DNAH8: variants seen among roughly 807,000 people sequenced by gnomAD.
The protein encoded by DNAH8 is axonemal beta dynein heavy chain 8.
In DNAH8, 382 loss-of-function variants were observed where a neutral mutation model predicts 562.1. The ratio of observed to expected loss-of-function variants is 0.68; its 90% CI spans 0.63 to 0.74. The LOEUF is 0.74. DNAH8 is among the 30% of genes least tolerant of loss of function. DNAH8 has a pLI of 0.00. For missense variants in DNAH8, 5,203 were observed against 5,620.4 expected (o/e 0.93, Z 2.37); for synonymous variants, 1,881 against 1,919.4 (o/e 0.98, Z 0.52).
chr6:38,925,966 T>C, intron 73 of DNAH8, 89 bp from the exon 74 acceptor site: 1 of 1,216,516 alleles, frequency 8.2e-7, no homozygotes. Flanking sequence ...GTCCACATTT[T>C]AAATTATTTT....
intron 26 of DNAH8, among the ~76,000 whole-genome samples, chr6:38,819,454 T>C (rs934525635): frequency 6.6e-6 from 1 of 152,202 alleles, no homozygotes; most frequent in African/African-American, 2.4e-5. Context: ...GTTTTATATA[T>C]GTTTCTGTAA....
chr6:38,729,764 G>A, intron 3 of DNAH8, 138 bp from the exon 4 acceptor site: 1 of 592,100 alleles, frequency 1.7e-6, no homozygotes, highest in Non-Finnish European at 3.0e-6. Flanking sequence ...CAGTAATTTT[G>A]GAGTTAAATT....
chr6:38,759,930 A>G (rs1013562052), intron 10 of DNAH8, among the ~76,000 whole-genome samples: 1 of 152,208 alleles, frequency 6.6e-6, no homozygotes, highest in Non-Finnish European at 1.5e-5. Flanking sequence ...TCCTGCTACA[A>G]GATCCCATTG....
intron 48 of DNAH8, among the ~76,000 whole-genome samples, chr6:38,868,404 C>T (rs1777222717): frequency 1.3e-5 from 2 of 152,162 alleles, no homozygotes; most frequent in Admixed American, 1.3e-4. Flanking sequence ...CTCCTTTTAT[C>T]AGCTGTGTGC....
intron 88 of DNAH8, among the ~76,000 whole-genome samples, chr6:38,998,106 C>T (rs1378182624): frequency 6.6e-6 from 1 of 152,232 alleles, no homozygotes; most frequent in Admixed American, 6.5e-5. Flanking sequence ...AACTCGATGC[C>T]CCCTGTTTAT....
At chr6:38,978,306 G>A (rs1763806083) in intron 85 of DNAH8, among the ~76,000 whole-genome samples, 1 of 152,160 alleles carries the variant, frequency 6.6e-6, no homozygotes, top group Non-Finnish European at 1.5e-5. Flanking sequence ...AGGGCCCAGG[G>A]AATCTCACTA....
intron 82 of DNAH8, 139 bp from the exon 83 acceptor site, chr6:38,971,453 G>T: frequency 2.0e-6 from 1 of 499,362 alleles, no homozygotes; most frequent in Non-Finnish European, 3.3e-6. Context: ...CAAAGGCCAG[G>T]CCTGTTTGAA....
chr6:38,808,038 A>G (rs1771453340), intron 24 of DNAH8, among the ~76,000 whole-genome samples: 1 of 152,120 alleles, frequency 6.6e-6, no homozygotes, highest in Non-Finnish European at 1.5e-5. Flanking sequence ...TGTATCCCCA[A>G]TCCACGTATC....
intron 76 of DNAH8, among the ~76,000 whole-genome samples, chr6:38,934,554 T>C (rs898153767): frequency 3.3e-5 from 5 of 152,190 alleles, no homozygotes; most frequent in Admixed American, 6.5e-5. Context: ...TTAAAACACC[T>C]TCTTTTAACG....
At position 38,874,188 on chromosome 6, in the gene DNAH8, CTCTTTCTTTCTCTCTT is replaced by C. The variant is rs1251286199; in HGVS notation, c.7620+828_7620+843del. 4.7e-5 allele frequency among the ~76,000 whole-genome samples: 4 copies of C among 85,468 alleles called. 1 individual carries two copies. The highest frequency in any genetic ancestry group is 1.7e-4 in the African/African-American group (4 of 23,570). The allele number at this position is 85,468 out of a possible 152,430, so 56.1% of individuals were successfully genotyped here. ...CTTCTCTCTTTCTTTCTTTCTCTCT[CTCTTTCTTTCTCTCTT>C]TCTTTCTTTCTCTCTCGCTCTCTCT... is the stretch of plus-strand genomic sequence containing the variant. On this transcript the variant is annotated intron_variant, in intron 52 of 92. Transcript: ENST00000327475.
chr6:38,721,138 C>T (rs1424437616), intron 1 of DNAH8, among the ~76,000 whole-genome samples: 1 of 151,858 alleles, frequency 6.6e-6, no homozygotes, highest in Non-Finnish European at 1.5e-5. Flanking sequence ...AGAGTGAAAC[C>T]CTGTCTCTAA....
At chr6:38,781,713 T>C (rs1374538988) in intron 16 of DNAH8, among the ~76,000 whole-genome samples, 1 of 152,170 alleles carries the variant, frequency 6.6e-6, no homozygotes, top group Non-Finnish European at 1.5e-5. Flanking sequence ...CTTACTTCTG[T>C]GTATGGGCAG....
At chr6:38,920,643 T>C (rs1781632045) in intron 70 of DNAH8, among the ~76,000 whole-genome samples, 1 of 152,068 alleles carries the variant, frequency 6.6e-6, no homozygotes, top group Non-Finnish European at 1.5e-5. Context: ...GGTGGACAAA[T>C]GTATATGAGT....
rs140016667 is a variant in DNAH8, at chr6:38,938,367, A to G, written c.11816+141A>G. On this transcript the variant is annotated intron_variant, in intron 78 of 92. Coordinates refer to ENST00000327475, the MANE Select transcript of DNAH8 (RefSeq NM_001206927.2). ...AATGCCCATCAACAGTAGAGTGGAT[A>G]AAGAAAAGGTGGTACATATACAACG... 5.7e-5 allele frequency: 55 copies of G among 967,642 alleles called. No homozygotes were observed. The East Asian group carries it at 1.3e-3, about 23-fold the overall frequency. The allele number at this position is 967,642 out of a possible 1,614,324, so 59.9% of individuals were successfully genotyped here. A position where few individuals can be genotyped will look rare whatever the true frequency, so the allele number is the denominator to read the frequency against.
At chr6:38,718,933 A>C (rs1762540993) in intron 1 of DNAH8, among the ~76,000 whole-genome samples, 1 of 152,136 alleles carries the variant, frequency 6.6e-6, no homozygotes, top group East Asian at 1.9e-4. Flanking sequence ...CTCTGTTTAA[A>C]TTTCTTCCCT....
chr6:38,968,422 C>G (rs1763118737), intron 82 of DNAH8, among the ~76,000 whole-genome samples: 1 of 151,960 alleles, frequency 6.6e-6, no homozygotes, highest in African/African-American at 2.4e-5. Context: ...ATATAAAGAC[C>G]TCTTACAACT....
Position 38,896,107 on chromosome 6 carries a change from A to G in DNAH8, c.8822A>G (p.Asp2941Gly). 1 of 1,614,140 alleles carries G rather than the reference A, an allele frequency of 6.2e-7. No homozygotes were observed. Among genetic ancestry groups the G allele is most frequent in the Non-Finnish European group, 8.5e-7 (1 of 1,179,972 alleles). ...GCAGTTGAAGAAAATATTGGCTCTG[A>G]TGCAGCGTCGTGTATTCTTCCTGAA... ...TRAVEENIGS[D>G]AASCILPEPY... is the part of the protein sequence containing the mutation. Residue 2941 changes from aspartate to glycine, a missense_variant, in exon 60 of 93, where the codon GAT (aspartate) becomes GGT (glycine). Asp to Gly is a moderately conservative substitution (Grantham distance 94). Transcript: ENST00000327475.
In DNAH8 at chr6:38,796,942, T is replaced by G. The variant is rs1452764598; in HGVS notation, c.2901+5268T>G. 2.6e-5 allele frequency among the ~76,000 whole-genome samples: 4 copies of G among 152,242 alleles called. No individual in the cohort carries two copies. The East Asian group carries it at 7.7e-4, about 29-fold the overall frequency. ...CCATATTAAATTCTCTAATTTTATT[T>G]GTTACAATAGCTGGTGTGTCTTCCG... On this transcript the variant is annotated intron_variant, in intron 21 of 92. Coordinates refer to ENST00000327475, the MANE Select transcript of DNAH8 (RefSeq NM_001206927.2).
At position 39,030,638 on chromosome 6, in the gene DNAH8, A is replaced by G. The variant is rs550577286; in HGVS notation, c.*246A>G. Reference sequence around the variant, plus strand: ...ATTTCACTATAATTACTTTTTAAAGATAAAACCCTGTTTGGATGTTAGAAC... The same window carrying G: ...ATTTCACTATAATTACTTTTTAAAGGTAAAACCCTGTTTGGATGTTAGAAC... On this transcript the variant is annotated 3_prime_UTR_variant, in exon 93 of 93. Coordinates refer to ENST00000327475, the MANE Select transcript of DNAH8 (RefSeq NM_001206927.2). 2.4e-4 allele frequency: 103 copies of G among 420,712 alleles called. No homozygotes were observed. In the Middle Eastern group the frequency reaches 3.2e-3, roughly 13 times the overall value. The allele number at this position is 420,712 out of a possible 1,614,324, so 26.1% of individuals were successfully genotyped here. A position where few individuals can be genotyped will look rare whatever the true frequency, so the allele number is the denominator to read the frequency against.
Sources: gnomAD v4.1 joint callset for allele counts (sites outside exome capture counted in the v4.1 genomes callset) on GRCh38, gnomAD v4.1.1 for gene constraint, MANE v1.5 for transcripts, NCBI Gene and HGNC (gene_info 2026-07-23, HGNC 2026-07-21) for gene names.